The following RALYL variants were observed in gnomAD, a reference collection of about 807,000 sequenced individuals.
RALYL encodes the protein RNA-binding Raly-like protein.
RALYL carries 29 observed loss-of-function variants against 35.1 expected under a neutral mutation model. The observed-to-expected ratio is 0.83, with a 90% CI of 0.61 to 1.13. The LOEUF is 1.13. Among genes scored for constraint, RALYL ranks in the 50% most tolerant of loss-of-function variants. The pLI is 0.00. For synonymous variants in RALYL, 120 were observed against 127.6 expected (o/e 0.94, Z 0.40); for missense variants, 359 against 360.4 (o/e 1.00, Z 0.03).
chr8:84,726,646 G>A (rs73298143), intron 2 of RALYL, among the ~76,000 whole-genome samples: 3,528 of 151,330 alleles, frequency 0.023, 153 homozygotes, highest in African/African-American at 0.081. Flanking sequence ...ATGATGTAGA[G>A]AGAATCTATT....
intron 1 of RALYL, among the ~76,000 whole-genome samples, chr8:84,233,694 C>A (rs1368216557): frequency 6.6e-6 from 1 of 152,170 alleles, no homozygotes; most frequent in African/African-American, 2.4e-5. Context: ...CCTACTCATT[C>A]TTGCCTCCAT....
intron 5 of RALYL, among the ~76,000 whole-genome samples, chr8:84,856,011 A>C (rs557944764): frequency 1.3e-5 from 2 of 152,366 alleles, no homozygotes; most frequent in South Asian, 4.1e-4. Flanking sequence ...TTGATTAGAG[A>C]GCACAATATA....
At chr8:84,271,284 A>AAAC (rs1392997257) in intron 1 of RALYL, among the ~76,000 whole-genome samples, 76 of 152,260 alleles carry the variant, frequency 5.0e-4, no homozygotes, top group African/African-American at 1.7e-3. Context: ...ACAAGCACAT[A>AAAC]AAGTATACTC....
chr8:84,413,909 G>T (rs2044353031), intron 1 of RALYL, among the ~76,000 whole-genome samples: 1 of 151,962 alleles, frequency 6.6e-6, no homozygotes, highest in Admixed American at 6.6e-5. Context: ...TTATTACTTT[G>T]AACCTTATTT....
intron 7 of RALYL, among the ~76,000 whole-genome samples, chr8:84,883,378 C>T (rs1056709152): frequency 6.6e-6 from 1 of 151,932 alleles, no homozygotes; most frequent in Non-Finnish European, 1.5e-5. Flanking sequence ...AAGACATACC[C>T]AAGACTGGGT....
chr8:84,414,288 C>T (rs1310021469), intron 1 of RALYL, among the ~76,000 whole-genome samples: 1 of 152,060 alleles, frequency 6.6e-6, no homozygotes, highest in African/African-American at 2.4e-5. Context: ...TCACTTTGGC[C>T]TCCTCCTGAT....
chr8:84,781,089 C>T (rs887977821), intron 3 of RALYL, among the ~76,000 whole-genome samples: 23 of 152,050 alleles, frequency 1.5e-4, no homozygotes, highest in Admixed American at 1.4e-3. Context: ...TCTCAAACTC[C>T]CAAGCTTAAG....
At chr8:84,582,011 T>C (rs992739030) in intron 2 of RALYL, among the ~76,000 whole-genome samples, 5 of 152,152 alleles carry the variant, frequency 3.3e-5, no homozygotes, top group African/African-American at 4.8e-5. Flanking sequence ...AGTGTCCAGA[T>C]TGACAATAAT....
At chr8:84,663,151 A>G (rs968352643) in intron 2 of RALYL, among the ~76,000 whole-genome samples, 19 of 152,174 alleles carry the variant, frequency 1.2e-4, no homozygotes, top group African/African-American at 4.3e-4. Context: ...TGTCCCTGCA[A>G]AGGACATGAG....
chr8:84,719,885 A>G (rs1843576144), intron 2 of RALYL, among the ~76,000 whole-genome samples: 1 of 152,124 alleles, frequency 6.6e-6, no homozygotes, highest in Admixed American at 6.6e-5. Flanking sequence ...AACTGTGACC[A>G]TATATACAGT....
chr8:84,830,173 G>A (rs559585856), intron 4 of RALYL, among the ~76,000 whole-genome samples: 69 of 152,232 alleles, frequency 4.5e-4, no homozygotes, highest in Non-Finnish European at 8.4e-4. Flanking sequence ...CTAGGAACAT[G>A]TAACTCAAAA....
At chr8:84,747,736 CTAAT>C (rs1282681633) in intron 2 of RALYL, among the ~76,000 whole-genome samples, 2 of 151,886 alleles carry the variant, frequency 1.3e-5, no homozygotes, top group African/African-American at 4.8e-5. Context: ...TATTATCTCT[CTAAT>C]TATTTGTTAA....
intron 2 of RALYL, among the ~76,000 whole-genome samples, chr8:84,615,336 A>G (rs927050515): frequency 8.3e-6 from 1 of 120,328 alleles, no homozygotes; most frequent in Admixed American, 7.3e-5. Context: ...TGTTAAATAC[A>G]TTGAAAAAAA....
intron 2 of RALYL, among the ~76,000 whole-genome samples, chr8:84,638,867 CATAAAT>C (rs1385017905): frequency 0.013 from 1,322 of 101,834 alleles, 66 homozygotes; most frequent in African/African-American, 0.014. Flanking sequence ...CTAATGCACG[CATAAAT>C]ATATATATAT....
intron 1 of RALYL, among the ~76,000 whole-genome samples, chr8:84,342,464 A>G (rs1175677285): frequency 6.6e-6 from 1 of 150,864 alleles, no homozygotes; most frequent in African/African-American, 2.4e-5. Context: ...CTGAACAGAA[A>G]ATGAAAATTG....
intron 1 of RALYL, among the ~76,000 whole-genome samples, chr8:84,238,118 A>G (rs1206236073): frequency 1.3e-5 from 2 of 152,168 alleles, no homozygotes; most frequent in Non-Finnish European, 2.9e-5. Flanking sequence ...TAATAAGCAT[A>G]AAATATTTTG....
intron 1 of RALYL, among the ~76,000 whole-genome samples, chr8:84,261,695 T>A (rs1832340649): frequency 6.6e-6 from 1 of 152,166 alleles, no homozygotes; most frequent in South Asian, 2.1e-4. Context: ...TCAATATGAA[T>A]CCAAATCATC....
intron 1 of RALYL, among the ~76,000 whole-genome samples, chr8:84,307,686 G>A (rs1046019646): frequency 1.3e-5 from 2 of 152,124 alleles, no homozygotes; most frequent in Non-Finnish European, 2.9e-5. Flanking sequence ...GAGCAGGGGC[G>A]AATGGGGAAG....
chr8:84,442,415 G>T lies in RALYL; in HGVS notation c.-23-86884G>T, dbSNP rs180907521. Among the ~76,000 whole-genome samples, 528 of 152,128 alleles carry T rather than the reference G, an allele frequency of 3.5e-3. 4 individuals carry two copies. The highest frequency in any genetic ancestry group is 0.026 in the South Asian group (125 of 4,824). ...TCTAGTATTAAATTCTTTATACAAC[G>T]TTTATTGTCTGTTCTTTTTCTTTTC... On this transcript the variant is annotated intron_variant, in intron 1 of 8. Coordinates refer to ENST00000521268, the MANE Select transcript of RALYL (RefSeq NM_173848.7).
Sources: allele counts gnomAD v4.1 joint callset (sites outside exome capture counted in the v4.1 genomes callset), GRCh38; gene constraint gnomAD v4.1.1; transcripts MANE v1.5; gene names NCBI Gene and HGNC (gene_info 2026-07-23, HGNC 2026-07-21).